DCLK2: variants seen among roughly 807,000 people sequenced by gnomAD.
DCLK2 encodes the protein doublecortin like kinase 2.
A neutral mutation model predicts 78.4 loss-of-function variants in DCLK2; 31 were observed. The ratio of observed to expected loss-of-function variants is 0.40; its 90% confidence interval spans 0.30 to 0.53. The LOEUF (loss-of-function observed/expected upper bound fraction) is 0.53. Among genes scored for constraint, DCLK2 ranks in the 20% least tolerant of loss-of-function variants. The probability of loss-of-function intolerance (pLI) is 0.61; values close to 1 mark genes in which losing one functional copy is unlikely to be tolerated. For synonymous variants in DCLK2, 407 were observed against 374.9 expected (o/e 1.09, Z -0.99); for missense variants, 872 against 973.7 (o/e 0.90, Z 1.39).
chr4:150,203,573 A>G (rs1311052365), intron 4 of DCLK2, among the ~76,000 whole-genome samples: 3 of 148,978 alleles, frequency 2.0e-5, no homozygotes, highest in African/African-American at 4.9e-5. Flanking sequence ...TCAGAAAACT[A>G]CTATTGAAAA....
At chr4:150,086,057 A>G (rs933014529) in intron 1 of DCLK2, among the ~76,000 whole-genome samples, 3 of 152,224 alleles carry the variant, frequency 2.0e-5, no homozygotes, top group Non-Finnish European at 4.4e-5. Context: ...CCTCAGTAAC[A>G]TACAGGAGGA....
Position 150,220,723 on chromosome 4 carries a change from ATCT to A in DCLK2, c.1083_1085del (p.Ser362del). 1.2e-6 allele frequency: 2 copies of A among 1,613,850 alleles called. No individual in the cohort carries two copies. The highest frequency in any genetic ancestry group is 1.7e-6 in the Non-Finnish European group (2 of 1,179,858). On this transcript the variant is annotated inframe_deletion, in exon 6 of 16. Transcript: ENST00000296550. ...TTCAGCAGATTTCTGCTCATGGCAG[ATCT>A]TCTTCCAATGTAAACGGTGGACCTG...
At chr4:150,171,507 A>G (rs934838270) in intron 2 of DCLK2, among the ~76,000 whole-genome samples, 2 of 152,234 alleles carry the variant, frequency 1.3e-5, no homozygotes, top group African/African-American at 4.8e-5. Flanking sequence ...TTAGTTGACT[A>G]AGTTCAATTA....
At chr4:150,109,156 C>T (rs1274498311) in intron 2 of DCLK2, among the ~76,000 whole-genome samples, 1 of 152,118 alleles carries the variant, frequency 6.6e-6, no homozygotes, top group Non-Finnish European at 1.5e-5. Flanking sequence ...TTTGAATCAC[C>T]TAACCATATT....
Position 150,256,005 on chromosome 4 carries a change from C to A in DCLK2, c.2074-15C>A, listed in dbSNP as rs1229981250. The A allele has an allele frequency of 1.2e-6, 2 of 1,611,560 alleles. No individual in the cohort carries two copies. Among genetic ancestry groups the A allele is most frequent in the African/African-American group, 2.7e-5 (2 of 74,668 alleles). The stretch of plus-strand genomic sequence containing the variant: ...GGGCCCGGGTAATGTGTTGTCTCTG[C>A]TGTTTCCTCCTCAGAACACGGCTCT... On this transcript the variant is annotated splice_polypyrimidine_tract_variant and intron_variant, in intron 15 of 15. Coordinates refer to ENST00000296550, the MANE Select transcript of DCLK2 (RefSeq NM_001040260.4).
intron 2 of DCLK2, among the ~76,000 whole-genome samples, chr4:150,176,955 A>G (rs1737136059): frequency 6.6e-6 from 1 of 152,220 alleles, no homozygotes; most frequent in East Asian, 1.9e-4. Context: ...AAAGAAATAG[A>G]TGTTTCTTTG....
At chr4:150,185,207 A>T (rs865951214) in intron 2 of DCLK2, among the ~76,000 whole-genome samples, 7 of 152,264 alleles carry the variant, frequency 4.6e-5, no homozygotes, top group African/African-American at 1.7e-4. Context: ...CAGGAAGGAG[A>T]AGAATGAGCC....
At chr4:150,201,629 C>T (rs1739455887) in intron 4 of DCLK2, among the ~76,000 whole-genome samples, 1 of 152,132 alleles carries the variant, frequency 6.6e-6, no homozygotes, top group Admixed American at 6.5e-5. Flanking sequence ...GACTGATCTA[C>T]TGCAGAGATC....
chr4:150,220,821 C>A, intron 6 of DCLK2, 43 bp downstream of exon 6: 2 of 1,478,048 alleles, frequency 1.4e-6, no homozygotes, highest in Non-Finnish European at 1.9e-6. Context: ...GGAAATCATG[C>A]ATGGGGACTT....
chr4:150,096,989 T>C (rs1730512344), intron 1 of DCLK2, among the ~76,000 whole-genome samples: 1 of 151,914 alleles, frequency 6.6e-6, no homozygotes, highest in Admixed American at 6.6e-5. Context: ...AGAGAAAGAA[T>C]GGCTCTGAAA....
At chr4:150,101,037 GA>G (rs1730855426) in intron 1 of DCLK2, among the ~76,000 whole-genome samples, 1 of 152,136 alleles carries the variant, frequency 6.6e-6, no homozygotes, top group Non-Finnish European at 1.5e-5. Flanking sequence ...TGACTCGCTT[GA>G]ACACAGGAGT....
In DCLK2 at chr4:150,256,491, A is replaced by G. The variant is rs1744579140; in HGVS notation, c.*244A>G. 1.0e-5 allele frequency: 5 copies of G among 487,024 alleles called. No individual in the cohort carries two copies. The highest frequency in any genetic ancestry group is 1.8e-5 in the Non-Finnish European group (5 of 281,464). The allele number at this position is 487,024 out of a possible 1,614,324, so 30.2% of individuals were successfully genotyped here. ...ATCCGTTCTGCCAACAGCTGTTCGG[A>G]GAGACTCGTTCCAGATCATCCCGTC... On this transcript the variant is annotated 3_prime_UTR_variant, in exon 16 of 16. Transcript: ENST00000296550.
intron 10 of DCLK2, among the ~76,000 whole-genome samples, chr4:150,237,679 TC>T (rs1374547132): frequency 2.0e-5 from 3 of 152,098 alleles, no homozygotes; most frequent in Non-Finnish European, 2.9e-5. Flanking sequence ...TTTAAATCAC[TC>T]CCCCTCATTA....
intron 2 of DCLK2, among the ~76,000 whole-genome samples, chr4:150,167,613 T>C (rs1003859023): frequency 6.6e-6 from 1 of 152,180 alleles, no homozygotes; most frequent in Non-Finnish European, 1.5e-5. Context: ...TAGTCAGGCA[T>C]GAGCAGGGCA....
chr4:150,118,055 G>A (rs1419661131), intron 2 of DCLK2, among the ~76,000 whole-genome samples: 3 of 150,064 alleles, frequency 2.0e-5, no homozygotes, highest in African/African-American at 7.6e-5. Flanking sequence ...CACAACTGGC[G>A]ATGGAGCTAG....
At chr4:150,081,721 A>G (rs1729298502) in intron 1 of DCLK2, among the ~76,000 whole-genome samples, 2 of 151,868 alleles carry the variant, frequency 1.3e-5, no homozygotes, top group South Asian at 2.1e-4. Context: ...TATAGGTACA[A>G]TAGTTCACGT....
intron 10 of DCLK2, among the ~76,000 whole-genome samples, chr4:150,235,682 G>T (rs1742446898): frequency 6.6e-6 from 1 of 152,186 alleles, no homozygotes; most frequent in African/African-American, 2.4e-5. Context: ...TAGATCACTT[G>T]GCAGTTTCTA....
At chr4:150,153,599 A>G (rs749731252) in intron 2 of DCLK2, among the ~76,000 whole-genome samples, 24 of 151,852 alleles carry the variant, frequency 1.6e-4, no homozygotes, top group Non-Finnish European at 2.5e-4. Context: ...TTTTTAGTAG[A>G]GACGGGGTTT....
chr4:150,241,223 T>C (rs1262146834), intron 12 of DCLK2, among the ~76,000 whole-genome samples: 1 of 152,212 alleles, frequency 6.6e-6, no homozygotes, highest in Admixed American at 6.5e-5. Flanking sequence ...TAAATAGGCC[T>C]GGGAATACAC....
Sources: allele counts gnomAD v4.1 joint callset (sites outside exome capture counted in the v4.1 genomes callset), GRCh38; gene constraint gnomAD v4.1.1; transcripts MANE v1.5; gene names NCBI Gene and HGNC (gene_info 2026-07-23, HGNC 2026-07-21).